Variants in EIF5 observed in about 807,000 individuals in gnomAD.
The protein encoded by EIF5 is eukaryotic translation initiation factor 5.
EIF5 carries 10 observed loss-of-function variants against 48.3 expected under a neutral mutation model. The ratio of observed to expected loss-of-function variants is 0.21; its 90% CI spans 0.13 to 0.35. The LOEUF is 0.35. EIF5 is among the 10% of genes least tolerant of loss of function. The pLI, the probability that EIF5 is intolerant of heterozygous loss-of-function variation, is 1.00. For synonymous variants in EIF5, 237 were observed against 173.1 expected (o/e 1.37, Z -2.90); for missense variants, 397 against 533.2 (o/e 0.74, Z 2.51).
intron 10 of EIF5, 129 bp downstream of exon 10, chr14:103,339,932 C>G (rs1422770379): frequency 9.3e-7 from 1 of 1,079,352 alleles, no homozygotes; most frequent in South Asian, 1.7e-5. Context: ...GATCTCAGCT[C>G]CCTGAAACCT....
Position 103,339,341 on chromosome 14 carries a change from A to G in EIF5, c.906+8A>G, listed in dbSNP as rs566854858. 6 of 1,585,280 alleles carry G rather than the reference A, an allele frequency of 3.8e-6. No homozygotes were observed. Among genetic ancestry groups the G allele is most frequent in the Admixed American group, 4.0e-5 (2 of 50,606 alleles). ...AGGCGCCATTTCCTACGAGTAAGCA[A>G]AGTGCTCTGGATTCATAAATGAGAT... On this transcript the variant is annotated splice_region_variant and intron_variant, in intron 9 of 11. Transcript: ENST00000216554.
chr14:103,337,350 T>C (rs2089299127), intron 6 of EIF5, 123 bp downstream of exon 6: 1 of 805,952 alleles, frequency 1.2e-6, no homozygotes, highest in Non-Finnish European at 1.9e-6. Flanking sequence ...CATGCTTGTA[T>C]TCCCCGCATT....
intron 6 of EIF5, 161 bp downstream of exon 6, chr14:103,337,388 T>C (rs937106593): frequency 5.1e-5 from 31 of 603,100 alleles, no homozygotes; most frequent in Non-Finnish European, 8.5e-5. Flanking sequence ...GCACATCACT[T>C]GAGGCCAGGA....
Position 103,341,281 on chromosome 14 carries a change from T to C in EIF5, c.*229T>C, listed in dbSNP as rs2089349861. 2 of 441,722 alleles carry C rather than the reference T, an allele frequency of 4.5e-6. No individual in the cohort carries two copies. The highest frequency in any genetic ancestry group is 3.5e-5 in the Admixed American group (1 of 28,176). The allele number at this position is 441,722 out of a possible 1,614,324, so 27.4% of individuals were successfully genotyped here. A position where few individuals can be genotyped will look rare whatever the true frequency, so the allele number is the denominator to read the frequency against. On this transcript the variant is annotated 3_prime_UTR_variant, in exon 12 of 12. Coordinates refer to ENST00000216554, the MANE Select transcript of EIF5 (RefSeq NM_001969.5). ...TTTGCTTATTTATAGCATGTTTCTT[T>C]TTGAAAAACTAGTGGTGGACACATT... is the stretch of plus-strand genomic sequence containing the variant.
rs200211944 is a variant in EIF5 at position 103,340,582 on chromosome 14, G to A, written c.1206+21G>A. 69 of 1,602,474 alleles carry A rather than the reference G, an allele frequency of 4.3e-5. No individual in the cohort carries two copies. In the Admixed American group the frequency reaches 6.2e-4, roughly 14 times the overall value. On this transcript the variant is annotated intron_variant, in intron 11 of 11. Transcript: ENST00000216554. ...TTGAGGTAAACATTGGGGGAGGAGGGTATTGGATACAGTGCTGGCATGGGT... is the reference window on the plus strand; with the variant it reads ...TTGAGGTAAACATTGGGGGAGGAGGATATTGGATACAGTGCTGGCATGGGT...
rs2089388127 is a variant in EIF5 at position 103,344,354 on chromosome 14, A to C, written c.*3302A>C. On this transcript the variant is annotated 3_prime_UTR_variant, in exon 12 of 12. Coordinates refer to ENST00000216554, the MANE Select transcript of EIF5 (RefSeq NM_001969.5). ...GCTGGGATATGAGAATAGAAGCTAC[A>C]GAGTTCTTTTCTTGGGACCTAGACT... 6.6e-6 allele frequency: 1 copy of C among 152,226 alleles called. No individual in the cohort carries two copies. The highest frequency in any genetic ancestry group is 2.1e-4 in the South Asian group (1 of 4,838). 9.4% of individuals were successfully genotyped at this position (152,226 alleles called of 1,614,324 possible). A position where few individuals can be genotyped will look rare whatever the true frequency, so the allele number is the denominator to read the frequency against.
intron 6 of EIF5, 175 bp downstream of exon 6, chr14:103,337,402 C>G (rs767143579): frequency 3.5e-6 from 2 of 573,032 alleles, no homozygotes; most frequent in East Asian, 3.0e-5. Context: ...GCCAGGAGTT[C>G]AAGACCAGCC....
At chr14:103,336,419 A>G (rs1595362493) in intron 4 of EIF5, 2 of 554,998 alleles carry the variant, frequency 3.6e-6, no homozygotes, top group South Asian at 2.3e-5. Context: ...TGAGTCTACT[A>G]CTAATACAAA....
chr14:103,336,818 G>C lies in EIF5; in HGVS notation c.296G>C (p.Cys99Ser). The change falls in exon 5 of 12, where the codon TGT (cysteine) becomes TCT (serine). Residue 99 changes from cysteine to serine, a missense_variant. By Grantham distance (112) the Cys-to-Ser change is moderately radical. Around this residue, in one of 4 missense-constraint regions of EIF5, gnomAD observed 108 missense variants for 188.3 expected, o/e 0.57. Coordinates refer to ENST00000216554, the MANE Select transcript of EIF5 (RefSeq NM_001969.5). ...GGATTCATTAAAAAATTTGTTCTCT[G>C]TCCTGAATGTGAGAATCCTGAAACA... Reference protein sequence around the residue: ...LDGFIKKFVLCPECENPETDL... With the variant: ...LDGFIKKFVLSPECENPETDL... 6.2e-7 allele frequency: 1 copy of C among 1,613,670 alleles called. No homozygotes were observed. The highest frequency in any genetic ancestry group is 8.5e-7 in the Non-Finnish European group (1 of 1,179,910).
chr14:103,337,936 C>T (rs757491975), intron 6 of EIF5: 12 of 528,754 alleles, frequency 2.3e-5, no homozygotes, highest in African/African-American at 1.9e-4. Context: ...CCGGTGTTCT[C>T]TCTCCCATGA....
rs2140358236 is a variant in EIF5, at chr14:103,335,856, C to T, written c.-5C>T. ...TCTTATTGATAAAGCCACTAATAAGCCAAAATGTCTGTCAATGTCAACCGC... is the reference window on the plus strand; with the variant it reads ...TCTTATTGATAAAGCCACTAATAAGTCAAAATGTCTGTCAATGTCAACCGC... On this transcript the variant is annotated 5_prime_UTR_variant, in exon 3 of 12. Transcript: ENST00000216554. 6.2e-7 allele frequency: 1 copy of T among 1,614,078 alleles called. No individual in the cohort carries two copies.
rs4900570 is a variant in EIF5 at position 103,341,632 on chromosome 14, T to C, written c.*580T>C. ...GTAGACTGATAATGAAATGACAGTG[T>C]AACATCTTAACCAAGAAGTAAATAT... is the stretch of plus-strand genomic sequence containing the variant. On this transcript the variant is annotated 3_prime_UTR_variant, in exon 12 of 12. Coordinates refer to ENST00000216554, the MANE Select transcript of EIF5 (RefSeq NM_001969.5). The C allele has an allele frequency of 0.98, 149,970 of 152,674 alleles. 73,702 individuals carry two copies. The highest frequency in any genetic ancestry group is 1 in the South Asian group (4,852 of 4,852). The allele number at this position is 152,674 out of a possible 1,614,324, so 9.5% of individuals were successfully genotyped here.
Position 103,339,828 on chromosome 14 carries a change from T to TA in EIF5, c.1071+28dup, listed in dbSNP as rs60227971. On this transcript the variant is annotated intron_variant, in intron 10 of 11. Coordinates refer to ENST00000216554, the MANE Select transcript of EIF5 (RefSeq NM_001969.5). Reference sequence around the variant, plus strand: ...GGTGGGGAATACATAGGTGGGCTCTTAAAGTTCACAGGTTTTGGGGGGTTT... The same window carrying TA: ...GGTGGGGAATACATAGGTGGGCTCTTAAAAGTTCACAGGTTTTGGGGGGTTT... The TA allele has an allele frequency of 8.9e-5, 142 of 1,604,460 alleles. No individual in the cohort carries two copies. In the African/African-American group the frequency reaches 1.7e-3, roughly 19 times the overall value.
In EIF5 at chr14:103,338,717, C is replaced by T. The variant is rs548383514; in HGVS notation, c.586-18C>T. On this transcript the variant is annotated intron_variant, in intron 7 of 11. Transcript: ENST00000216554. Reference sequence around the variant, plus strand: ...GTTTTTAAGGCCTTTGATCAAGTAGCTCTGTTTTCATAAACAGGAAGAAGA... The same window carrying T: ...GTTTTTAAGGCCTTTGATCAAGTAGTTCTGTTTTCATAAACAGGAAGAAGA... 5.0e-6 allele frequency: 8 copies of T among 1,610,616 alleles called. No individual in the cohort carries two copies. The East Asian group carries it at 8.9e-5, about 18-fold the overall frequency.
At chr14:103,338,669 A>C in intron 7 of EIF5, 66 bp from the exon 8 acceptor site, 1 of 1,570,634 alleles carries the variant, frequency 6.4e-7, no homozygotes, top group Non-Finnish European at 8.6e-7. Flanking sequence ...TTAACTTGGC[A>C]AAATCTGAAC....
chr14:103,340,914 A>T, intron 11 of EIF5, 49 bp from the exon 12 acceptor site: 1 of 1,573,092 alleles, frequency 6.4e-7, no homozygotes. Flanking sequence ...GATTTGTTTT[A>T]TAAACAGATT....
Position 103,343,393 on chromosome 14 carries a change from A to G in EIF5, c.*2341A>G, listed in dbSNP as rs1225804293. The G allele has an allele frequency of 1.3e-5, 2 of 152,176 alleles. No individual in the cohort carries two copies. The highest frequency in any genetic ancestry group is 4.8e-5 in the African/African-American group (2 of 41,432). The allele number at this position is 152,176 out of a possible 1,614,324, so 9.4% of individuals were successfully genotyped here. On this transcript the variant is annotated 3_prime_UTR_variant, in exon 12 of 12. Coordinates refer to ENST00000216554, the MANE Select transcript of EIF5 (RefSeq NM_001969.5). The stretch of plus-strand genomic sequence containing the variant: ...ACTGAGCATCTGCCTCAGTTTTATT[A>G]CTTGAAATCTTGGCAGGTGCTTAAT...
At chr14:103,337,009 G>C in intron 5 of EIF5, 107 bp from the exon 6 acceptor site, 9 of 1,346,968 alleles carry the variant, frequency 6.7e-6, no homozygotes, top group Non-Finnish European at 9.1e-6. Context: ...GTAGGTCACT[G>C]TGTGAAAAAA....
intron 7 of EIF5, 88 bp downstream of exon 7, chr14:103,338,560 G>C: frequency 6.6e-7 from 1 of 1,504,236 alleles, no homozygotes; most frequent in East Asian, 2.5e-5. Context: ...GTTGAAACTA[G>C]CCTTCAGTGT....
Sources: allele counts gnomAD v4.1 joint callset, GRCh38; gene constraint gnomAD v4.1.1; regional missense constraint gnomAD v4.1.1; transcripts MANE v1.5; gene names NCBI Gene and HGNC (gene_info 2026-07-23, HGNC 2026-07-21).